The following MAF variants were observed in gnomAD, a reference collection of about 807,000 sequenced individuals.
The protein encoded by MAF is MAF bZIP transcription factor, also known as transcription factor Maf.
In MAF, 10 loss-of-function variants were observed where a neutral mutation model predicts 22.0. The ratio of observed to expected loss-of-function variants is 0.45; its 90% CI spans 0.28 to 0.77. The LOEUF is 0.77. Ranked by LOEUF, MAF falls within the 30% of genes least tolerant of loss-of-function variation. The pLI is 0.12. For missense variants in MAF, 544 were observed against 548.4 expected (o/e 0.99, Z 0.08); for synonymous variants, 337 against 255.8 (o/e 1.32, Z -3.03).
chr16:79,292,388 G>A, the MAF span, among the ~76,000 whole-genome samples: 4 of 152,168 alleles, frequency 2.6e-5, no homozygotes, highest in East Asian at 1.9e-4. Context: ...TAGAGGCAAG[G>A]AAATTCTTTT....
the MAF span, among the ~76,000 whole-genome samples, chr16:79,388,616 C>G: frequency 6.6e-6 from 1 of 152,156 alleles, no homozygotes; most frequent in Non-Finnish European, 1.5e-5. Flanking sequence ...TTCCTTATCT[C>G]TTCCCAAGAA....
At chr16:79,577,471 C>T in the MAF span, among the ~76,000 whole-genome samples, 1 of 152,178 alleles carries the variant, frequency 6.6e-6, no homozygotes, top group South Asian at 2.1e-4. Flanking sequence ...AGAATATCTG[C>T]CTCTCTATTC....
chr16:79,434,599 G>T, the MAF span, among the ~76,000 whole-genome samples: 1 of 151,610 alleles, frequency 6.6e-6, no homozygotes, highest in South Asian at 2.1e-4. Flanking sequence ...GTTGTTAAAA[G>T]TATACATATA....
chr16:79,281,180 C>G, the MAF span, among the ~76,000 whole-genome samples: 2 of 148,334 alleles, frequency 1.3e-5, no homozygotes, highest in Admixed American at 6.7e-5. Flanking sequence ...GTGCACATAC[C>G]TTTTCTTGTT....
chr16:79,537,173 T>A, the MAF span, among the ~76,000 whole-genome samples: 717 of 152,316 alleles, frequency 4.7e-3, 6 homozygotes, highest in African/African-American at 0.016. Context: ...ATTTGGTGAA[T>A]CTATTCTCAG....
At chr16:79,207,301 A>G in the MAF span, among the ~76,000 whole-genome samples, 4 of 152,250 alleles carry the variant, frequency 2.6e-5, no homozygotes, top group African/African-American at 9.6e-5. Context: ...ATGAGTAACA[A>G]TGGAAGTAGG....
the MAF span, among the ~76,000 whole-genome samples, chr16:79,512,155 C>G: frequency 6.6e-6 from 1 of 152,184 alleles, no homozygotes; most frequent in Non-Finnish European, 1.5e-5. Context: ...TTTTCTTTAT[C>G]TTGAAAGACA....
chr16:79,289,519 C>T, the MAF span, among the ~76,000 whole-genome samples: 2 of 152,220 alleles, frequency 1.3e-5, no homozygotes, highest in East Asian at 3.9e-4. Flanking sequence ...TTGATTAATT[C>T]GCAGAACATT....
chr16:79,309,272 C>T, the MAF span, among the ~76,000 whole-genome samples: 1 of 152,262 alleles, frequency 6.6e-6, no homozygotes, highest in African/African-American at 2.4e-5. Context: ...GAGCTATGAC[C>T]AGCTGCTTGC....
At chr16:79,531,006 G>C in the MAF span, among the ~76,000 whole-genome samples, 12,377 of 152,278 alleles carry the variant, frequency 0.081, 547 homozygotes, top group South Asian at 0.15. Flanking sequence ...CTGCCAGTAA[G>C]TTTCTGGGTA....
chr16:79,510,346 T>A, the MAF span, among the ~76,000 whole-genome samples: 1 of 152,216 alleles, frequency 6.6e-6, no homozygotes, highest in Non-Finnish European at 1.5e-5. Context: ...ATCCTCTGAT[T>A]GTAAAGCTGT....
chr16:79,275,646 G>A, the MAF span, among the ~76,000 whole-genome samples: 2 of 152,166 alleles, frequency 1.3e-5, no homozygotes, highest in African/African-American at 4.8e-5. Flanking sequence ...GTCAGTCATG[G>A]CTACTTTTTA....
At chr16:79,285,588 T>C in the MAF span, among the ~76,000 whole-genome samples, 1 of 152,168 alleles carries the variant, frequency 6.6e-6, no homozygotes, top group Non-Finnish European at 1.5e-5. Flanking sequence ...AGTGGGACTC[T>C]GGATGTTGCT....
the MAF span, among the ~76,000 whole-genome samples, chr16:79,220,226 A>G: frequency 7.4e-6 from 1 of 135,116 alleles, no homozygotes; most frequent in South Asian, 2.4e-4. Flanking sequence ...AATGCACTCC[A>G]GCCTGGGCAA....
chr16:79,543,916 G>A, the MAF span, among the ~76,000 whole-genome samples: 1 of 151,782 alleles, frequency 6.6e-6, no homozygotes, highest in Non-Finnish European at 1.5e-5. Context: ...TCCATCTCCA[G>A]ACCTCGTGAT....
At chr16:79,422,751 G>T in the MAF span, among the ~76,000 whole-genome samples, 1 of 152,096 alleles carries the variant, frequency 6.6e-6, no homozygotes, top group Non-Finnish European at 1.5e-5. Context: ...TTATGTTCCA[G>T]TTACCATTCT....
At chr16:79,574,243 T>G in the MAF span, among the ~76,000 whole-genome samples, 2 of 152,206 alleles carry the variant, frequency 1.3e-5, no homozygotes, top group African/African-American at 2.4e-5. Context: ...TGCGATCAAG[T>G]ATCTTGGTTA....
chr16:79,351,234 C>T, the MAF span, among the ~76,000 whole-genome samples: 3 of 152,178 alleles, frequency 2.0e-5, no homozygotes, highest in African/African-American at 7.2e-5. Flanking sequence ...AACAGTGGGG[C>T]TGCCTTTGCT....
the MAF span, among the ~76,000 whole-genome samples, chr16:79,447,905 A>AAAAAAAAAG: frequency 0.37 from 30,741 of 83,006 alleles, 7,000 homozygotes; most frequent in Non-Finnish European, 0.48. Context: ...AAAAAAAAAA[A>AAAAAAAAAG]AAAAGAAAAG....
Sources: gnomAD v4.1 joint callset for allele counts (sites outside exome capture counted in the v4.1 genomes callset) on GRCh38, gnomAD v4.1.1 for gene constraint, MANE v1.5 for transcripts, NCBI Gene and HGNC (gene_info 2026-07-23, HGNC 2026-07-21) for gene names.